Variants in CDK18 observed in about 807,000 individuals in gnomAD.
CDK18 encodes cyclin-dependent kinase 18.
CDK18 carries 52 observed loss-of-function variants against 62.0 expected under a neutral mutation model. That is an observed-to-expected ratio of 0.84 (90% confidence interval 0.67 to 1.06). CDK18 has a LOEUF of 1.06. CDK18 is among the 50% of genes least tolerant of loss of function. The pLI, the probability that CDK18 is intolerant of heterozygous loss-of-function variation, is 0.00. For synonymous variants in CDK18, 237 were observed against 247.0 expected (o/e 0.96, Z 0.38); for missense variants, 604 against 619.9 (o/e 0.97, Z 0.27).
rs1010053252 is a variant in CDK18 at position 205,517,215 on chromosome 1, A to G, written c.-21-5932A>G. On this transcript the variant is annotated intron_variant, in intron 1 of 15. Coordinates refer to ENST00000429964, the MANE Select transcript of CDK18 (RefSeq NM_212502.3). This position sits in a 1 kb window ranked among gnomAD's most constrained non-coding sequence, Gnocchi z 4.1. ...GGGTTCCCTGCCTTGCACGGGCCCC[A>G]CCCTGCGTGGCCCTGCAGTTGTCTA... Among the ~76,000 whole-genome samples, 4 of 152,146 alleles carry G rather than the reference A, an allele frequency of 2.6e-5. No homozygotes were observed. Among genetic ancestry groups the G allele is most frequent in the African/African-American group, 9.6e-5 (4 of 41,506 alleles).
chr1:205,529,897 G>A, intron 13 of CDK18: 2 of 1,366,880 alleles, frequency 1.5e-6, no homozygotes, highest in Non-Finnish European at 1.9e-6. Context: ...GACACACTTA[G>A]TGTGGTGCCT....
At position 205,527,890 on chromosome 1, in the gene CDK18, A is replaced by AG. The variant is rs765832544; in HGVS notation, c.832dup (p.Glu278GlyfsTer23). ...GCCCCAGAACCTGCTCATCAACGAG[A>AG]GGGGGGAGCTGAAGCTGGCCGACTT... On this transcript the variant is annotated frameshift_variant, in exon 9 of 16. Coordinates refer to ENST00000429964, the MANE Select transcript of CDK18 (RefSeq NM_212502.3). LOFTEE classifies it high-confidence loss of function. The surrounding 1 kb of genome is among the most constrained non-coding windows in gnomAD (Gnocchi z 4.1). 8.7e-6 allele frequency: 14 copies of AG among 1,613,732 alleles called. No homozygotes were observed. Among genetic ancestry groups the AG allele is most frequent in the African/African-American group, 5.3e-5 (4 of 74,814 alleles).
chr1:205,528,253 G>A lies in CDK18; in HGVS notation c.974+85G>A, dbSNP rs1668544142. ...CTCCTTTGCTTCCCCAAGGGCCTCG[G>A]GGAAGAACTGCCTAACTTCCTTTGC... On this transcript the variant is annotated intron_variant, in intron 10 of 15. Coordinates refer to ENST00000429964, the MANE Select transcript of CDK18 (RefSeq NM_212502.3). This position sits in a 1 kb window ranked among gnomAD's most constrained non-coding sequence, Gnocchi z 4.2. The A allele has an allele frequency of 6.6e-7, 1 of 1,504,410 alleles. No individual in the cohort carries two copies. The highest frequency in any genetic ancestry group is 9.1e-7 in the Non-Finnish European group (1 of 1,103,930). The allele number at this position is 1,504,410 out of a possible 1,614,324, so 93.2% of individuals were successfully genotyped here.
At position 205,527,235 on chromosome 1, in the gene CDK18, C is replaced by T; in HGVS notation, c.729+398C>T. 5 of 231,562 alleles carry T rather than the reference C, an allele frequency of 2.2e-5. No homozygotes were observed. In the South Asian group the frequency reaches 3.7e-4, roughly 17 times the overall value. The allele number at this position is 231,562 out of a possible 1,614,324, so 14.3% of individuals were successfully genotyped here. On this transcript the variant is annotated intron_variant, in intron 8 of 15. Coordinates refer to ENST00000429964, the MANE Select transcript of CDK18 (RefSeq NM_212502.3). This position sits in a 1 kb window ranked among gnomAD's most constrained non-coding sequence, Gnocchi z 4.1. ...GTGGCCCACGCCTGTAATCCCAGCA[C>T]TGGGAGGCCAAGGCAGGAAGATGGC...
At chr1:205,518,776 T>C (rs1355685019) in intron 1 of CDK18, among the ~76,000 whole-genome samples, 3 of 152,216 alleles carry the variant, frequency 2.0e-5, no homozygotes. Flanking sequence ...GCTGGCTTTC[T>C]TCCCAGCCTG....
chr1:205,517,563 A>G lies in CDK18; in HGVS notation c.-21-5584A>G, dbSNP rs1477622082. 2.0e-5 allele frequency among the ~76,000 whole-genome samples: 3 copies of G among 151,632 alleles called. No homozygotes were observed. Among genetic ancestry groups the G allele is most frequent in the African/African-American group, 4.9e-5 (2 of 41,224 alleles). Reference sequence around the variant, plus strand: ...TCCAACTCCTGGTCTTCCCACTGAAACCACTACTCCCAGAATGCCTTGTCT... The same window carrying G: ...TCCAACTCCTGGTCTTCCCACTGAAGCCACTACTCCCAGAATGCCTTGTCT... On this transcript the variant is annotated intron_variant, in intron 1 of 15. Coordinates refer to ENST00000429964, the MANE Select transcript of CDK18 (RefSeq NM_212502.3). This position sits in a 1 kb window ranked among gnomAD's most constrained non-coding sequence, Gnocchi z 4.1.
At chr1:205,530,183 C>T (rs1274531285) in intron 13 of CDK18, 76 bp from the exon 14 acceptor site, 12 of 1,594,082 alleles carry the variant, frequency 7.5e-6, no homozygotes, top group Non-Finnish European at 1.0e-5. Context: ...GTGCTCTAAC[C>T]AGCACTGGAG....
chr1:205,531,594 A>C lies in CDK18; in HGVS notation c.*216A>C. 2 of 558,256 alleles carry C rather than the reference A, an allele frequency of 3.6e-6. No homozygotes were observed. The highest frequency in any genetic ancestry group is 3.2e-5 in the East Asian group (1 of 31,598). 34.6% of individuals were successfully genotyped at this position (558,256 alleles called of 1,614,324 possible). ...TCACCTGCATACCAACCCCTCCTTT[A>C]CCCACGTTGGGGCTGGCATAAGCTG... is the stretch of plus-strand genomic sequence containing the variant. On this transcript the variant is annotated 3_prime_UTR_variant, in exon 16 of 16. Transcript: ENST00000429964.
intron 4 of CDK18, 139 bp downstream of exon 4, chr1:205,524,496 C>A: frequency 2.2e-6 from 2 of 901,510 alleles, no homozygotes; most frequent in Non-Finnish European, 3.4e-6. Flanking sequence ...GGCTTGAGTG[C>A]ATTCAACTAG....
chr1:205,525,131 CCT>C lies in CDK18; in HGVS notation c.400-4_400-3del. On this transcript the variant is annotated splice_polypyrimidine_tract_variant and splice_region_variant and intron_variant, in intron 4 of 15. Transcript: ENST00000429964. ...AAGCTCACGGCATTCTATGTCTCTC[CCT>C]CTCAGTCAGACATTGGCTTTGGGAA... The C allele has an allele frequency of 6.2e-7, 1 of 1,602,914 alleles. No individual in the cohort carries two copies. The highest frequency in any genetic ancestry group is 8.5e-7 in the Non-Finnish European group (1 of 1,171,290).
In CDK18 at chr1:205,526,779, G is replaced by A; in HGVS notation, c.671G>A (p.Ser224Asn). ...SLTLVFEYLD[S>N]DLKQYLDHCG... Reference sequence around the variant, plus strand: ...GAGCCACGCTCTGTGTTCCAGGACAGTGACCTGAAGCAGTATCTGGACCAC... The same window carrying A: ...GAGCCACGCTCTGTGTTCCAGGACAATGACCTGAAGCAGTATCTGGACCAC... The change falls in exon 8 of 16, where the codon AGT (serine) becomes AAT (asparagine). Residue 224 changes from serine to asparagine, a missense_variant. By Grantham distance (46) the Ser-to-Asn change is conservative. Coordinates refer to ENST00000429964, the MANE Select transcript of CDK18 (RefSeq NM_212502.3). The A allele has an allele frequency of 1.9e-6, 3 of 1,614,000 alleles. No homozygotes were observed. In the South Asian group the frequency reaches 3.3e-5, roughly 18 times the overall value.
In CDK18 at chr1:205,527,868, C is replaced by G; in HGVS notation, c.804C>G (p.Pro268=). 7 of 1,614,142 alleles carry G rather than the reference C, an allele frequency of 4.3e-6. No individual in the cohort carries two copies. The highest frequency in any genetic ancestry group is 5.9e-6 in the Non-Finnish European group (7 of 1,180,006). The change falls in exon 9 of 16, where the codon CCC becomes CCG. Residue 268 remains proline, a synonymous_variant. Transcript: ENST00000429964. The surrounding 1 kb of genome is among the most constrained non-coding windows in gnomAD (Gnocchi z 4.1). ...HRKILHRDLK[P]QNLLINERGE... The stretch of plus-strand genomic sequence containing the variant: ...AGATCCTGCACCGGGACCTGAAGCC[C>G]CAGAACCTGCTCATCAACGAGAGGG...
intron 1 of CDK18, chr1:205,522,714 C>T (rs1668195840): frequency 6.4e-6 from 1 of 155,922 alleles, no homozygotes; most frequent in African/African-American, 2.4e-5. Context: ...TTCTGCTGGT[C>T]CAAGGACTGC....
chr1:205,529,348 C>T lies in CDK18; in HGVS notation c.1097C>T (p.Pro366Leu). Residue 366 changes from proline (P) to leucine (L), a missense_variant, in exon 12 of 16, where the codon CCC becomes CTC. Transcript: ENST00000429964. ...LLGTPTEETW[P>L]GVTAFSEFRT... ...GGGACCCCCACAGAAGAGACGTGGC[C>T]CGGCGTGACCGCCTTCTCTGAGTTC... 1 of 1,613,970 alleles carries T rather than the reference C, an allele frequency of 6.2e-7. No individual in the cohort carries two copies. The highest frequency in any genetic ancestry group is 8.5e-7 in the Non-Finnish European group (1 of 1,179,938).
At chr1:205,510,740 T>TCAC (rs1229209513) in intron 1 of CDK18, among the ~76,000 whole-genome samples, 2 of 152,370 alleles carry the variant, frequency 1.3e-5, no homozygotes, top group African/African-American at 4.8e-5. Context: ...GGCAGATCGC[T>TCAC]CACCTTTCTG....
chr1:205,526,693 G>T, intron 7 of CDK18, 82 bp from the exon 8 acceptor site: 1 of 1,351,678 alleles, frequency 7.4e-7, no homozygotes, highest in Non-Finnish European at 1.1e-6. Flanking sequence ...TCCCAGGGAG[G>T]GGCTTCCTCT....
chr1:205,520,689 G>T (rs1049782915), intron 1 of CDK18, among the ~76,000 whole-genome samples: 7 of 135,660 alleles, frequency 5.2e-5, no homozygotes, highest in Non-Finnish European at 9.3e-5. Context: ...GATAGAGCAC[G>T]ACTCTATCTC....
rs766623818 is a variant in CDK18 at position 205,527,896 on chromosome 1, G to A, written c.832G>A (p.Glu278Lys). 1.2e-6 allele frequency: 2 copies of A among 1,614,158 alleles called. No individual in the cohort carries two copies. Among genetic ancestry groups the A allele is most frequent in the South Asian group, 1.1e-5 (1 of 91,072 alleles). Residue 278 changes from glutamate to lysine, a missense_variant, in exon 9 of 16, where the codon GAG becomes AAG. Coordinates refer to ENST00000429964, the MANE Select transcript of CDK18 (RefSeq NM_212502.3). The surrounding 1 kb of genome is among the most constrained non-coding windows in gnomAD (Gnocchi z 4.1). ...GAACCTGCTCATCAACGAGAGGGGGGAGCTGAAGCTGGCCGACTTTGGTGA... is the reference window on the plus strand; with the variant it reads ...GAACCTGCTCATCAACGAGAGGGGGAAGCTGAAGCTGGCCGACTTTGGTGA... ...PQNLLINERG[E>K]LKLADFGLAR...
intron 1 of CDK18, among the ~76,000 whole-genome samples, chr1:205,507,297 C>A (rs537576909): frequency 1.3e-5 from 2 of 152,154 alleles, no homozygotes; most frequent in Non-Finnish European, 2.9e-5. Flanking sequence ...TCCCAGCATC[C>A]GTTCCCTCAT....
Sources: allele counts gnomAD v4.1 joint callset (sites outside exome capture counted in the v4.1 genomes callset), GRCh38; gene constraint gnomAD v4.1.1; non-coding constraint Gnocchi (gnomAD v3.1); transcripts MANE v1.5; gene names NCBI Gene and HGNC (gene_info 2026-07-23, HGNC 2026-07-21).